The following TMEM132D variants were observed in gnomAD, a reference collection of about 807,000 sequenced individuals.
TMEM132D encodes the protein transmembrane protein 132D.
In TMEM132D, 21 loss-of-function variants were observed where a neutral mutation model predicts 62.3. That is an observed-to-expected ratio of 0.34 (90% CI 0.24 to 0.49). TMEM132D has a LOEUF of 0.49. TMEM132D is among the 20% of genes least tolerant of loss of function. The pLI is 0.99. For missense variants in TMEM132D, 1,346 were observed against 1,402.8 expected (o/e 0.96, Z 0.65); for synonymous variants, 621 against 575.6 (o/e 1.08, Z -1.13).
chr12:129,354,242 G>C (rs1397611657), intron 3 of TMEM132D, among the ~76,000 whole-genome samples: 3 of 151,564 alleles, frequency 2.0e-5, no homozygotes, highest in Admixed American at 6.6e-5. Context: ...TTTTCCAAAA[G>C]AATAAGACAA....
intron 4 of TMEM132D, among the ~76,000 whole-genome samples, chr12:129,299,717 T>G (rs982015805): frequency 1.3e-5 from 2 of 151,748 alleles, no homozygotes; most frequent in Non-Finnish European, 2.9e-5. Flanking sequence ...TTAGATTTAA[T>G]TTACTGCTGA....
chr12:129,502,975 A>T (rs576447814), intron 3 of TMEM132D, among the ~76,000 whole-genome samples: 3 of 152,296 alleles, frequency 2.0e-5, no homozygotes, highest in South Asian at 4.1e-4. Context: ...AAGAACCTTG[A>T]CTGTCTATCT....
At chr12:129,384,255 TAAAC>T (rs1289011384) in intron 3 of TMEM132D, among the ~76,000 whole-genome samples, 3 of 152,104 alleles carry the variant, frequency 2.0e-5, no homozygotes, top group Admixed American at 2.0e-4. Flanking sequence ...AACAGTGACT[TAAAC>T]AAAACAAAAC....
intron 4 of TMEM132D, among the ~76,000 whole-genome samples, chr12:129,336,454 T>C (rs1310685806): frequency 6.6e-6 from 1 of 151,970 alleles, no homozygotes; most frequent in Non-Finnish European, 1.5e-5. Context: ...TGGGCACCTG[T>C]AATCCCAGCT....
At chr12:129,522,588 C>G (rs142886676) in intron 3 of TMEM132D, 1 of 151,964 alleles carries the variant, frequency 6.6e-6, no homozygotes, top group African/African-American at 2.4e-5. Flanking sequence ...CGAGACCGTG[C>G]GGCCCACACA....
At chr12:129,582,375 CA>C (rs1877893430) in intron 2 of TMEM132D, among the ~76,000 whole-genome samples, 1 of 152,172 alleles carries the variant, frequency 6.6e-6, no homozygotes, top group Admixed American at 6.5e-5. Flanking sequence ...ACTTACCCCC[CA>C]GAGATGGGGT....
intron 2 of TMEM132D, among the ~76,000 whole-genome samples, chr12:129,578,177 G>A (rs1877731547): frequency 6.6e-6 from 1 of 152,062 alleles, no homozygotes; most frequent in Non-Finnish European, 1.5e-5. Flanking sequence ...CAGTCCTCGA[G>A]CCTTCGGTCT....
intron 4 of TMEM132D, among the ~76,000 whole-genome samples, chr12:129,260,597 A>T (rs1318338484): frequency 6.6e-6 from 1 of 152,108 alleles, no homozygotes; most frequent in Non-Finnish European, 1.5e-5. Flanking sequence ...GATTTCTGAA[A>T]CTTTAGTGCA....
intron 3 of TMEM132D, among the ~76,000 whole-genome samples, chr12:129,367,883 G>T (rs10847840): frequency 0.36 from 53,729 of 149,828 alleles, 9,943 homozygotes; most frequent in Non-Finnish European, 0.41. Flanking sequence ...CCTTCCCGGT[G>T]CAAGTAATTC....
intron 5 of TMEM132D, among the ~76,000 whole-genome samples, chr12:129,135,527 A>C (rs150029572): frequency 3.0e-4 from 45 of 152,316 alleles, no homozygotes. Flanking sequence ...ATAAGTGCAT[A>C]AGGTTTTATC....
intron 3 of TMEM132D, among the ~76,000 whole-genome samples, chr12:129,477,614 A>T (rs2137051153): frequency 6.6e-6 from 1 of 152,186 alleles, no homozygotes. Context: ...AGGTCAGGAG[A>T]TCGAGACCAT....
chr12:129,751,045 C>T (rs2137267321), intron 1 of TMEM132D, among the ~76,000 whole-genome samples: 2 of 152,250 alleles, frequency 1.3e-5, no homozygotes, highest in Middle Eastern at 6.8e-3. Context: ...CAGTGTTGGG[C>T]CCACATTTCC....
intron 4 of TMEM132D, among the ~76,000 whole-genome samples, chr12:129,322,003 G>A (rs1868734809): frequency 1.3e-5 from 2 of 152,234 alleles, no homozygotes; most frequent in South Asian, 4.2e-4. Context: ...TCCTGGTGGT[G>A]TAAAAGCATC....
chr12:129,147,523 C>T (rs1454623496), intron 5 of TMEM132D, among the ~76,000 whole-genome samples: 1 of 152,086 alleles, frequency 6.6e-6, no homozygotes, highest in East Asian at 1.9e-4. Flanking sequence ...TGTATCCATT[C>T]CTCCATCCAG....
At chr12:129,201,294 C>T (rs1878697684) in intron 5 of TMEM132D, among the ~76,000 whole-genome samples, 1 of 152,176 alleles carries the variant, frequency 6.6e-6, no homozygotes, top group African/African-American at 2.4e-5. Context: ...TGCAGTGTGG[C>T]TGGCTTTAGG....
chr12:129,655,682 G>A (rs1005607881), intron 2 of TMEM132D, among the ~76,000 whole-genome samples: 5 of 151,906 alleles, frequency 3.3e-5, no homozygotes, highest in African/African-American at 1.2e-4. Flanking sequence ...CATCCTCCCA[G>A]CCACTGCAAC....
At chr12:129,877,505 C>G (rs1317349216) in intron 1 of TMEM132D, among the ~76,000 whole-genome samples, 2 of 152,228 alleles carry the variant, frequency 1.3e-5, no homozygotes, top group Non-Finnish European at 1.5e-5. Flanking sequence ...GAATCTCATT[C>G]ATCTGGCTTC....
At chr12:129,746,023 A>T (rs1869764564) in intron 1 of TMEM132D, among the ~76,000 whole-genome samples, 1 of 152,214 alleles carries the variant, frequency 6.6e-6, no homozygotes, top group African/African-American at 2.4e-5. Context: ...GACCTGGACC[A>T]TGAGAGAGAT....
At chr12:129,232,820 A>G (rs1283992230) in intron 4 of TMEM132D, among the ~76,000 whole-genome samples, 1 of 150,840 alleles carries the variant, frequency 6.6e-6, no homozygotes, top group Non-Finnish European at 1.5e-5. Context: ...GGCAGGAGAG[A>G]GAGAGATAAA....
Sources: allele counts gnomAD v4.1 joint callset (sites outside exome capture counted in the v4.1 genomes callset), GRCh38; gene constraint gnomAD v4.1.1; transcripts MANE v1.5; gene names NCBI Gene and HGNC (gene_info 2026-07-23, HGNC 2026-07-21).